The following VRK2 variants were observed in gnomAD, a reference collection of about 807,000 sequenced individuals.
VRK2 encodes the protein serine/threonine-protein kinase VRK2.
A neutral mutation model predicts 57.6 loss-of-function variants in VRK2; 60 were observed. The observed-to-expected ratio is 1.04, with a 90% CI of 0.85 to 1.29. The LOEUF is 1.29. Among genes scored for constraint, VRK2 ranks in the 50% most tolerant of loss-of-function variants. The pLI is 0.00. For synonymous variants in VRK2, 231 were observed against 199.2 expected (o/e 1.16, Z -1.35); for missense variants, 705 against 588.1 (o/e 1.20, Z -2.06).
chr2:58,041,006 T>C, intron 3 of VRK2: 3 of 982,866 alleles, frequency 3.1e-6, no homozygotes, highest in South Asian at 4.7e-5. Flanking sequence ...TTAAAAATCA[T>C]TCGGCCAGCT....
intron 1 of VRK2, among the ~76,000 whole-genome samples, chr2:57,967,415 G>T (rs1330009169): frequency 7.4e-5 from 11 of 148,368 alleles, no homozygotes; most frequent in South Asian, 2.1e-4. Flanking sequence ...AGTTTGTGTG[G>T]TTTTTTTTTT....
chr2:58,052,790 C>T (rs956458297), intron 2 of VRK2, among the ~76,000 whole-genome samples: 8 of 152,102 alleles, frequency 5.3e-5, no homozygotes, highest in African/African-American at 1.9e-4. Flanking sequence ...AAAAGCTCCC[C>T]CTAAAATTTG....
chr2:57,918,675 T>C (rs1670234153), intron 1 of VRK2, among the ~76,000 whole-genome samples: 1 of 152,106 alleles, frequency 6.6e-6, no homozygotes, highest in African/African-American at 2.4e-5. Context: ...GAGCTTGTGT[T>C]GTTGGAGTTT....
intron 1 of VRK2, among the ~76,000 whole-genome samples, chr2:57,944,324 T>C (rs1029458833): frequency 1.3e-5 from 2 of 152,178 alleles, no homozygotes; most frequent in African/African-American, 4.8e-5. Context: ...GTGAGGGTTG[T>C]ACATTGGGAG....
Position 58,120,328 on chromosome 2 carries a change from T to G in VRK2, c.544-2773T>G, listed in dbSNP as rs147859689. 4.5e-4 allele frequency among the ~76,000 whole-genome samples: 68 copies of G among 151,866 alleles called. No homozygotes were observed. The East Asian group carries it at 0.012, about 27-fold the overall frequency. On this transcript the variant is annotated intron_variant, in intron 7 of 12. Transcript: ENST00000340157. ...GCCTCAGCTTCCTGAGTAGCTCGGA[T>G]TACAAATGTGCACCACCATGCCTGG...
intron 6 of VRK2, 121 bp downstream of exon 6, chr2:58,088,567 AT>A: frequency 1.3e-6 from 1 of 799,122 alleles, no homozygotes; most frequent in Non-Finnish European, 2.1e-6. Context: ...GACATCAGTT[AT>A]TAGGAGTAGA....
At chr2:58,113,273 C>T (rs1675861942) in intron 7 of VRK2, among the ~76,000 whole-genome samples, 1 of 148,524 alleles carries the variant, frequency 6.7e-6, no homozygotes, top group Admixed American at 6.7e-5. Flanking sequence ...TGTGCCACTG[C>T]ACCACTCCTA....
intron 1 of VRK2, among the ~76,000 whole-genome samples, chr2:57,986,892 C>T (rs1328670288): frequency 2.0e-5 from 3 of 152,074 alleles, no homozygotes; most frequent in Non-Finnish European, 2.9e-5. Context: ...AACCATCGTG[C>T]CCAGCCTCAA....
At chr2:58,137,233 CATATATATCATATATATG>C (rs1558687431) in intron 10 of VRK2, among the ~76,000 whole-genome samples, 1 of 29,412 alleles carries the variant, frequency 3.4e-5, no homozygotes, top group Non-Finnish European at 1.1e-4. Context: ...TCATATGATA[CATATATATCATATATATG>C]ATATATATGA....
At position 57,915,534 on chromosome 2, in the gene VRK2, G is replaced by A. The variant is rs560138162; in HGVS notation, c.-439+7695G>A. Among the ~76,000 whole-genome samples, 12 of 152,230 alleles carry A rather than the reference G, an allele frequency of 7.9e-5. No homozygotes were observed. In the South Asian group the frequency reaches 2.3e-3, roughly 29 times the overall value. On this transcript the variant is annotated intron_variant, in intron 1 of 15. Coordinates refer to the VRK2 transcript ENST00000417641. ...ATGTTAAAATAATATGGGGAAAAATGCAGCTGAAAGATTTCCACTGTACCC... is the reference window on the plus strand; with the variant it reads ...ATGTTAAAATAATATGGGGAAAAATACAGCTGAAAGATTTCCACTGTACCC...
intron 1 of VRK2, among the ~76,000 whole-genome samples, chr2:57,949,956 C>T (rs1003161920): frequency 6.6e-6 from 1 of 152,156 alleles, no homozygotes; most frequent in African/African-American, 2.4e-5. Flanking sequence ...CCTTCCCTTA[C>T]CAAAGCCTAA....
In VRK2 at chr2:57,922,481, T is replaced by TGTGTGGGTGG. The variant is rs1199242409; in HGVS notation, c.-439+14647_-439+14648insGGTGGGTGTG. ...GTGTGTGTGTGTGTGTGTGTGTGTGTGTGTGTGATGAGAATATTCAAATAC... is the reference window on the plus strand; with the variant it reads ...GTGTGTGTGTGTGTGTGTGTGTGTGTGTGTGGGTGGGTGTGTGATGAGAATATTCAAATAC... On this transcript the variant is annotated intron_variant, in intron 1 of 15. Transcript: ENST00000417641. Among the ~76,000 whole-genome samples the TGTGTGGGTGG allele has an allele frequency of 3.3e-4, 50 of 151,794 alleles. 1 individual carries two copies. The South Asian group carries it at 9.8e-3, about 30-fold the overall frequency.
rs777568110 is a variant in VRK2, at chr2:58,135,194, G to C, written c.851G>C (p.Ser284Thr). The C allele has an allele frequency of 6.2e-7, 1 of 1,614,152 alleles. No individual in the cohort carries two copies. The highest frequency in any genetic ancestry group is 1.7e-5 in the Admixed American group (1 of 60,018). Residue 284 changes from serine to threonine, a missense_variant, in exon 10 of 13, where the codon AGT becomes ACT. Physicochemically the swap from Ser to Thr is moderately conservative, Grantham distance 58. Coordinates refer to ENST00000340157, the MANE Select transcript of VRK2 (RefSeq NM_006296.7). ...CTTAAATGGGCTCCTTCTGGAAGCA[G>C]TTGCTGTAAGTCAAATAATAACTTC... Reference protein sequence around the residue: ...SVLKWAPSGSSCCEIAQFLVC... With the variant: ...SVLKWAPSGSTCCEIAQFLVC...
At chr2:58,083,323 C>T (rs1403319330) in intron 2 of VRK2, among the ~76,000 whole-genome samples, 1 of 151,698 alleles carries the variant, frequency 6.6e-6, no homozygotes, top group African/African-American at 2.4e-5. Flanking sequence ...AATAAATATA[C>T]ATGTAAATTT....
intron 7 of VRK2, among the ~76,000 whole-genome samples, chr2:58,116,698 C>T (rs1387426720): frequency 2.6e-5 from 4 of 151,974 alleles, no homozygotes; most frequent in Non-Finnish European, 5.9e-5. Context: ...GCCGCTAAGC[C>T]AAGAAGGAGT....
intron 1 of VRK2, among the ~76,000 whole-genome samples, chr2:57,992,753 G>A (rs1395788476): frequency 6.6e-6 from 1 of 151,738 alleles, no homozygotes; most frequent in Non-Finnish European, 1.5e-5. Context: ...AGCCAGGATG[G>A]TCTCGATCTC....
At chr2:57,944,458 C>T (rs1358508610) in intron 1 of VRK2, among the ~76,000 whole-genome samples, 2 of 152,146 alleles carry the variant, frequency 1.3e-5, no homozygotes, top group Admixed American at 6.5e-5. Flanking sequence ...AAAACATGGC[C>T]GGGCGCGGTG....
upstream of VRK2, chr2:58,046,687 C>A: frequency 1.0e-6 from 1 of 985,574 alleles, no homozygotes; most frequent in Non-Finnish European, 1.2e-6. Flanking sequence ...GTGTGAGGCT[C>A]CGCGGGCCGC....
chr2:57,926,689 T>G (rs918971610), intron 1 of VRK2, among the ~76,000 whole-genome samples: 1 of 151,950 alleles, frequency 6.6e-6, no homozygotes, highest in African/African-American at 2.4e-5. Context: ...TGGTTTCCAC[T>G]GCATGGAATA....
Sources: gnomAD v4.1 joint callset for allele counts (sites outside exome capture counted in the v4.1 genomes callset) on GRCh38, gnomAD v4.1.1 for gene constraint, MANE v1.5 for transcripts, NCBI Gene and HGNC (gene_info 2026-07-23, HGNC 2026-07-21) for gene names.